CADPS2: variants seen among roughly 807,000 people sequenced by gnomAD.
The protein encoded by CADPS2 is calcium dependent secretion activator 2.
CADPS2 carries 93 observed loss-of-function variants against 172.5 expected under a neutral mutation model. The ratio of observed to expected loss-of-function variants is 0.54; its 90% CI spans 0.46 to 0.64. The LOEUF (loss-of-function observed/expected upper bound fraction) is 0.64. Ranked by LOEUF, CADPS2 falls within the 30% of genes least tolerant of loss-of-function variation. CADPS2 has a pLI of 0.00. For synonymous variants in CADPS2, 546 were observed against 555.2 expected, an observed-to-expected ratio of 0.98 and a Z score of 0.23; for missense variants, 1,420 against 1,565.9, an observed-to-expected ratio of 0.91 and a Z score of 1.57.
intron 6 of CADPS2, among the ~76,000 whole-genome samples, chr7:122,598,672 G>C (rs1587717807): frequency 1.3e-5 from 2 of 151,950 alleles, no homozygotes; most frequent in Admixed American, 6.6e-5. Context: ...TAGTTTTATA[G>C]GCATAACTAA....
At chr7:122,591,405 T>C (rs1330568700) in intron 6 of CADPS2, among the ~76,000 whole-genome samples, 4 of 152,092 alleles carry the variant, frequency 2.6e-5, no homozygotes, top group Non-Finnish European at 5.9e-5. Flanking sequence ...AAAATGGCCA[T>C]AATGCCCAAG....
chr7:122,344,056 G>A (rs1232096329), intron 28 of CADPS2, among the ~76,000 whole-genome samples: 1 of 152,170 alleles, frequency 6.6e-6, no homozygotes, highest in East Asian at 1.9e-4. Context: ...CATAAAGCAT[G>A]AAAGATAAAA....
chr7:122,720,816 T>C (rs895466990), intron 2 of CADPS2, among the ~76,000 whole-genome samples: 4 of 152,142 alleles, frequency 2.6e-5, no homozygotes, highest in Admixed American at 1.3e-4. Context: ...ACAAGTAGAA[T>C]TGATTATTGC....
intron 1 of CADPS2, among the ~76,000 whole-genome samples, chr7:122,739,094 C>G (rs993898268): frequency 1.3e-5 from 2 of 152,096 alleles, no homozygotes; most frequent in Non-Finnish European, 2.9e-5. Context: ...AGGCATGATT[C>G]ACAAAAGGGA....
At position 122,786,797 on chromosome 7, in the gene CADPS2, G is replaced by A. The variant is rs117613610; in HGVS notation, c.340-49729C>T. 4.2e-3 allele frequency among the ~76,000 whole-genome samples: 640 copies of A among 151,962 alleles called. 4 individuals are homozygous for A. Among genetic ancestry groups the A allele is most frequent in the Non-Finnish European group, 6.8e-3 (462 of 67,994 alleles). On this transcript the variant is annotated intron_variant, in intron 1 of 29. Coordinates refer to ENST00000449022, the MANE Select transcript of CADPS2 (RefSeq NM_017954.11). ...GAGTGGTTTTCAGACTTATTTGGTC[G>A]TGCTTTGTTCAAAAGAGAGCTTAAC...
chr7:122,323,247 A>C (rs937089134), intron 29 of CADPS2, among the ~76,000 whole-genome samples: 8 of 152,156 alleles, frequency 5.3e-5, no homozygotes, highest in African/African-American at 1.9e-4. Flanking sequence ...GTATCAGCCC[A>C]AGAACACATT....
At chr7:122,850,123 C>G (rs764031566) in intron 1 of CADPS2, 3 of 1,313,748 alleles carry the variant, frequency 2.3e-6, no homozygotes, top group Non-Finnish European at 3.0e-6. Flanking sequence ...ATCAACAACT[C>G]CGAGTTTTAG....
intron 1 of CADPS2, among the ~76,000 whole-genome samples, chr7:122,853,954 T>C (rs1333917314): frequency 6.6e-6 from 1 of 152,150 alleles, no homozygotes; most frequent in Non-Finnish European, 1.5e-5. Flanking sequence ...GAGGAGTCCC[T>C]GATAGAAAAC....
At chr7:122,540,831 C>A (rs75658445) in intron 8 of CADPS2, among the ~76,000 whole-genome samples, 5,011 of 152,146 alleles carry the variant, frequency 0.033, 259 homozygotes, top group African/African-American at 0.12. Flanking sequence ...TGCTCTGTAT[C>A]ACAAAGTTCC....
intron 2 of CADPS2, among the ~76,000 whole-genome samples, chr7:122,707,996 T>C (rs1162178590): frequency 1.3e-5 from 2 of 151,800 alleles, no homozygotes; most frequent in African/African-American, 4.8e-5. Flanking sequence ...GTGTATAACA[T>C]GATGCTGTAA....
intron 1 of CADPS2, among the ~76,000 whole-genome samples, chr7:122,841,815 T>C (rs911677599): frequency 1.3e-5 from 2 of 151,226 alleles, no homozygotes; most frequent in Non-Finnish European, 3.0e-5. Flanking sequence ...AATAAAAGTT[T>C]AGTACTGTAT....
At chr7:122,441,633 A>G (rs1281954944) in intron 15 of CADPS2, 58 bp from the exon 16 acceptor site, 2 of 1,069,782 alleles carry the variant, frequency 1.9e-6, no homozygotes, top group Admixed American at 6.1e-5. Flanking sequence ...AGACTGCTAA[A>G]TAATTCCTGC....
chr7:122,842,044 G>A (rs147792009), intron 1 of CADPS2, among the ~76,000 whole-genome samples: 241 of 152,298 alleles, frequency 1.6e-3, no homozygotes, highest in Non-Finnish European at 2.6e-3. Flanking sequence ...TTACCTCCTA[G>A]GCTGGAAAAG....
chr7:122,630,510 G>A (rs1227277096), intron 3 of CADPS2, among the ~76,000 whole-genome samples: 1 of 152,098 alleles, frequency 6.6e-6, no homozygotes, highest in Non-Finnish European at 1.5e-5. Flanking sequence ...GACAGGACTG[G>A]AGAGAGAAGC....
chr7:122,534,686 A>AC (rs2062071722), intron 8 of CADPS2, among the ~76,000 whole-genome samples: 1 of 152,144 alleles, frequency 6.6e-6, no homozygotes. Flanking sequence ...TGGCAGATTA[A>AC]CAGTAATGTA....
At chr7:122,708,485 T>TAC (rs1214841799) in intron 2 of CADPS2, among the ~76,000 whole-genome samples, 1 of 120,572 alleles carries the variant, frequency 8.3e-6, no homozygotes, top group African/African-American at 3.0e-5. Context: ...TATATATATA[T>TAC]ATTGGATATG....
rs199627947 is a variant in CADPS2, at chr7:122,645,524, A to AG, written c.787-16197_787-16196insC. Among the ~76,000 whole-genome samples the AG allele has an allele frequency of 1.3e-3, 39 of 29,274 alleles. 1 individual carries two copies. The highest frequency in any genetic ancestry group is 4.5e-4 in the Non-Finnish European group (6 of 13,378). 19.2% of individuals were successfully genotyped at this position (29,274 alleles called of 152,430 possible). On this transcript the variant is annotated intron_variant, in intron 3 of 29. Coordinates refer to ENST00000449022, the MANE Select transcript of CADPS2 (RefSeq NM_017954.11). ...TAAGTATATATATACTTATATATAT[A>AG]TAAGTATATATATATACTTATATAT...
chr7:122,581,258 T>C lies in CADPS2; in HGVS notation c.1256A>G (p.His419Arg). The C allele has an allele frequency of 1.2e-6, 2 of 1,613,082 alleles. No individual in the cohort carries two copies. Among genetic ancestry groups the C allele is most frequent in the Non-Finnish European group, 1.7e-6 (2 of 1,179,340 alleles). ...WGTQGDFTTT[H>R]PRPVVKVKLF... ...TTTCACTTTGACCACAGGCCGAGGA[T>C]GGGTGGTGGTGAAATCTCCTTGAGT... The change falls in exon 7 of 30, where the codon CAT becomes CGT. Residue 419 changes from histidine (H) to arginine (R), a missense_variant. By Grantham distance (29) the His-to-Arg change is conservative. Transcript: ENST00000449022.
At chr7:122,387,311 G>C (rs565157773) in intron 23 of CADPS2, 138 bp from the exon 24 acceptor site, 2 of 768,158 alleles carry the variant, frequency 2.6e-6, no homozygotes, top group African/African-American at 1.8e-5. Flanking sequence ...GTGCTTGGGA[G>C]CTAAGGGGTG....
Sources: allele counts gnomAD v4.1 joint callset (sites outside exome capture counted in the v4.1 genomes callset), GRCh38; gene constraint gnomAD v4.1.1; transcripts MANE v1.5; gene names NCBI Gene and HGNC (gene_info 2026-07-23, HGNC 2026-07-21).